The following NPAS3 variants were observed in gnomAD, a reference collection of about 807,000 sequenced individuals.
NPAS3 encodes the protein neuronal PAS domain protein 3.
Under a neutral mutation model 73.1 loss-of-function variants are expected in NPAS3, and 14 were observed. That is an observed-to-expected ratio of 0.19 (90% CI 0.13 to 0.30). The LOEUF (loss-of-function observed/expected upper bound fraction) is 0.30. Among genes scored for constraint, NPAS3 ranks in the 10% least tolerant of loss-of-function variants. NPAS3 has a pLI of 1.00. For synonymous variants in NPAS3, 620 were observed against 541.5 expected, an observed-to-expected ratio of 1.14 and a Z score of -2.01; for missense variants, 1,096 against 1,250.0, an observed-to-expected ratio of 0.88 and a Z score of 1.86.
chr14:33,115,768 C>T (rs2043043113), intron 2 of NPAS3, among the ~76,000 whole-genome samples: 1 of 152,036 alleles, frequency 6.6e-6, no homozygotes, highest in East Asian at 1.9e-4. Flanking sequence ...CTTTGGTTTC[C>T]ATGTACAGTG....
rs1023719535 is a variant in NPAS3 at position 33,385,933 on chromosome 14, G to A, written c.468+18665G>A. On this transcript the variant is annotated intron_variant, in intron 4 of 11. Transcript: ENST00000356141. ...AAGCTAATTTTCAGAAGCCCAATCC[G>A]GGTACTATGAGTGAAAGGTTTTGAG... 2.5e-4 allele frequency among the ~76,000 whole-genome samples: 38 copies of A among 152,136 alleles called. 1 individual carries two copies. The highest frequency in any genetic ancestry group is 2.2e-3 in the Admixed American group (33 of 15,272).
At chr14:33,656,978 G>C (rs867213417) in intron 5 of NPAS3, among the ~76,000 whole-genome samples, 11 of 152,190 alleles carry the variant, frequency 7.2e-5, no homozygotes, top group African/African-American at 2.2e-4. Flanking sequence ...TCAACCTAAG[G>C]GTTCATCAGT....
At chr14:33,305,894 C>A (rs1445024458) in intron 3 of NPAS3, among the ~76,000 whole-genome samples, 2 of 152,104 alleles carry the variant, frequency 1.3e-5, no homozygotes, top group Non-Finnish European at 2.9e-5. Flanking sequence ...CTGGTATTCT[C>A]TGAATTTGCA....
chr14:33,109,248 A>G (rs1011262457), intron 2 of NPAS3, among the ~76,000 whole-genome samples: 2 of 152,142 alleles, frequency 1.3e-5, no homozygotes, highest in African/African-American at 4.8e-5. Context: ...AGCAAATAGA[A>G]ATTGTGTAAT....
In NPAS3 at chr14:33,642,915, G is replaced by A. The variant is rs542152188; in HGVS notation, c.559-33296G>A. Reference sequence around the variant, plus strand: ...TTGTGGCTGCCAAATTTACTGTGATGCAGAGGTATCTTGAGTAACTTTACA... The same window carrying A: ...TTGTGGCTGCCAAATTTACTGTGATACAGAGGTATCTTGAGTAACTTTACA... On this transcript the variant is annotated intron_variant, in intron 5 of 11. Transcript: ENST00000356141. Among the ~76,000 whole-genome samples, 3 of 152,234 alleles carry A rather than the reference G, an allele frequency of 2.0e-5. No homozygotes were observed. In the South Asian group the frequency reaches 6.2e-4, roughly 32 times the overall value.
chr14:32,993,603 T>G (rs2038429736), intron 1 of NPAS3, among the ~76,000 whole-genome samples: 1 of 152,220 alleles, frequency 6.6e-6, no homozygotes, highest in African/African-American at 2.4e-5. Context: ...TTTATTAATA[T>G]TAACCATTTT....
At chr14:33,185,170 G>A (rs920770636) in intron 2 of NPAS3, among the ~76,000 whole-genome samples, 2 of 152,152 alleles carry the variant, frequency 1.3e-5, no homozygotes, top group Non-Finnish European at 2.9e-5. Context: ...TTCTAGTACA[G>A]TGGAAGAACC....
rs771840433 is a variant in NPAS3, at chr14:33,051,296, A to AAAAAAAAG, written c.51-4608_51-4607insAAAAAAGA. On this transcript the variant is annotated intron_variant, in intron 1 of 11. Transcript: ENST00000356141. ...ACTCCGTCTCAAAAAAAAAAAAAAA[A>AAAAAAAAG]AGAGAGACTAAAGAACTTCCCCACT... 6.4e-4 allele frequency among the ~76,000 whole-genome samples: 91 copies of AAAAAAAAG among 142,550 alleles called. 2 individuals carry two copies. The highest frequency in any genetic ancestry group is 8.8e-4 in the African/African-American group (32 of 36,192). 93.5% of individuals were successfully genotyped at this position (142,550 alleles called of 152,430 possible).
intron 3 of NPAS3, among the ~76,000 whole-genome samples, chr14:33,266,829 T>C (rs938263716): frequency 6.6e-6 from 1 of 152,216 alleles, no homozygotes; most frequent in Non-Finnish European, 1.5e-5. Flanking sequence ...GATATTTGTA[T>C]TCCTATCCTG....
chr14:33,346,219 C>A (rs1111321), intron 3 of NPAS3, among the ~76,000 whole-genome samples: 14 of 121,162 alleles, frequency 1.2e-4, no homozygotes, highest in African/African-American at 4.5e-4. Context: ...AGGGAGACTC[C>A]GTCTCAAAAA....
chr14:33,783,842 T>G (rs1436689727), intron 9 of NPAS3, among the ~76,000 whole-genome samples: 1 of 152,214 alleles, frequency 6.6e-6, no homozygotes, highest in Non-Finnish European at 1.5e-5. Context: ...CTGACTCGTA[T>G]TCATGTGAAA....
intron 4 of NPAS3, among the ~76,000 whole-genome samples, chr14:33,452,221 C>T (rs1035751949): frequency 7.9e-5 from 12 of 152,098 alleles, no homozygotes; most frequent in African/African-American, 2.4e-4. Flanking sequence ...TGTGGACTCT[C>T]GGATGGGGCT....
intron 4 of NPAS3, among the ~76,000 whole-genome samples, chr14:33,514,000 T>C (rs927187710): frequency 1.1e-4 from 17 of 152,038 alleles, no homozygotes; most frequent in African/African-American, 4.1e-4. Context: ...TTCTTCCTCC[T>C]AATATATTCA....
At chr14:33,087,992 A>G (rs1371200160) in intron 2 of NPAS3, among the ~76,000 whole-genome samples, 2 of 152,244 alleles carry the variant, frequency 1.3e-5, no homozygotes, top group Admixed American at 6.5e-5. Context: ...CTAGATTGTA[A>G]CTACCAATGA....
intron 3 of NPAS3, among the ~76,000 whole-genome samples, chr14:33,265,265 A>C (rs535086922): frequency 6.6e-6 from 1 of 152,106 alleles, no homozygotes; most frequent in Non-Finnish European, 1.5e-5. Flanking sequence ...CTGTCACTGA[A>C]CTCTGCTCTC....
At chr14:33,096,041 A>G (rs2138852898) in intron 2 of NPAS3, among the ~76,000 whole-genome samples, 1 of 150,776 alleles carries the variant, frequency 6.6e-6, no homozygotes, top group Non-Finnish European at 1.5e-5. Context: ...TCTAGTGTGC[A>G]TGGATACATG....
intron 1 of NPAS3, among the ~76,000 whole-genome samples, chr14:32,967,775 G>GT (rs1415580908): frequency 2.6e-5 from 4 of 150,972 alleles, no homozygotes; most frequent in African/African-American, 9.8e-5. Flanking sequence ...AGCATGTGGG[G>GT]GGGGGTCCTA....
intron 10 of NPAS3, among the ~76,000 whole-genome samples, chr14:33,796,591 G>A (rs1257334311): frequency 6.6e-6 from 1 of 152,088 alleles, no homozygotes; most frequent in African/African-American, 2.4e-5. Flanking sequence ...AATCGAAGAG[G>A]CATTTCCCAT....
intron 4 of NPAS3, among the ~76,000 whole-genome samples, chr14:33,549,115 T>G (rs1340371525): frequency 6.6e-6 from 1 of 152,226 alleles, no homozygotes; most frequent in Non-Finnish European, 1.5e-5. Context: ...TGACAATTCA[T>G]GTACTAGATA....
Sources: gnomAD v4.1 joint callset for allele counts (sites outside exome capture counted in the v4.1 genomes callset) on GRCh38, gnomAD v4.1.1 for gene constraint, MANE v1.5 for transcripts, NCBI Gene and HGNC (gene_info 2026-07-23, HGNC 2026-07-21) for gene names.